Variants in PLCXD2 observed in about 807,000 individuals in gnomAD.
PLCXD2 encodes the protein PI-PLC X domain-containing protein 2.
PLCXD2 carries 21 observed loss-of-function variants against 28.6 expected under a neutral mutation model. The observed-to-expected ratio is 0.73, with a 90% confidence interval of 0.52 to 1.06. The LOEUF (loss-of-function observed/expected upper bound fraction) is 1.06. Among genes scored for constraint, PLCXD2 ranks in the 50% least tolerant of loss-of-function variants. The pLI, the probability that PLCXD2 is intolerant of heterozygous loss-of-function variation, is 0.00. For synonymous variants in PLCXD2, 140 were observed against 150.1 expected, an observed-to-expected ratio of 0.93 and a Z score of 0.49; for missense variants, 369 against 376.7, an observed-to-expected ratio of 0.98 and a Z score of 0.17.
intron 1 of PLCXD2, among the ~76,000 whole-genome samples, chr3:111,686,908 C>T (rs1940803571): frequency 6.6e-6 from 1 of 152,096 alleles, no homozygotes; most frequent in Non-Finnish European, 1.5e-5. Context: ...CCAGATAACT[C>T]AAGCTAGAAG....
chr3:111,724,699 G>A (rs990369233), intron 3 of PLCXD2: 8 of 152,170 alleles, frequency 5.3e-5, no homozygotes, highest in African/African-American at 1.9e-4. Flanking sequence ...AGTCCATCCT[G>A]CAGATTTAGT....
chr3:111,693,661 T>C (rs1402955779), intron 1 of PLCXD2, among the ~76,000 whole-genome samples: 1 of 152,244 alleles, frequency 6.6e-6, no homozygotes, highest in Non-Finnish European at 1.5e-5. Flanking sequence ...CAGATCGATA[T>C]ATCTTGCTTC....
rs1941360646 is a variant in PLCXD2 at position 111,722,526 on chromosome 3, GA to G, written c.866+8401del. 3 of 152,210 alleles carry G rather than the reference GA, an allele frequency of 2.0e-5. No individual in the cohort carries two copies. The South Asian group carries it at 6.2e-4, about 32-fold the overall frequency. The allele number at this position is 152,210 out of a possible 1,614,324, so 9.4% of individuals were successfully genotyped here. ...AGACCCTCCAGAAGAGTGTTGAAAA[GA>G]AAGGCTCTAGAAAGAAAACTAGGCA... On this transcript the variant is annotated intron_variant, in intron 3 of 4. Transcript: ENST00000477665.
At chr3:111,717,306 AC>A (rs1360855797) in intron 3 of PLCXD2, among the ~76,000 whole-genome samples, 1 of 151,790 alleles carries the variant, frequency 6.6e-6, no homozygotes, top group Admixed American at 6.6e-5. Flanking sequence ...ACTATGGACC[AC>A]CCTTGTTCCC....
intron 1 of PLCXD2, among the ~76,000 whole-genome samples, chr3:111,703,520 A>G (rs548536752): frequency 6.6e-6 from 1 of 152,330 alleles, no homozygotes; most frequent in South Asian, 2.1e-4. Context: ...GAGGGGATTC[A>G]TCTCTCCTCC....
At chr3:111,702,985 GA>G in intron 1 of PLCXD2, among the ~76,000 whole-genome samples, 1 of 152,146 alleles carries the variant, frequency 6.6e-6, no homozygotes, top group East Asian at 1.9e-4. Context: ...CCTGTTTTTC[GA>G]AAAAGAAATA....
chr3:111,697,705 A>G (rs920332063), intron 1 of PLCXD2, among the ~76,000 whole-genome samples: 1 of 152,226 alleles, frequency 6.6e-6, no homozygotes, highest in Non-Finnish European at 1.5e-5. Flanking sequence ...CTGTCATTCA[A>G]CATCTTTTTG....
intron 3 of PLCXD2, among the ~76,000 whole-genome samples, chr3:111,718,845 CT>C (rs1267756087): frequency 6.6e-6 from 1 of 152,194 alleles, no homozygotes; most frequent in Non-Finnish European, 1.5e-5. Flanking sequence ...CTTCTCTATG[CT>C]GCCTGTGGTA....
chr3:111,725,729 A>G (rs943222303), intron 3 of PLCXD2: 5 of 398,476 alleles, frequency 1.3e-5, no homozygotes, highest in African/African-American at 1.0e-4. Flanking sequence ...ACTCATTTCT[A>G]AGCCAAATAG....
intron 3 of PLCXD2, chr3:111,720,993 T>C: frequency 2.5e-6 from 1 of 405,600 alleles, no homozygotes; most frequent in Middle Eastern, 5.0e-4. Context: ...AAGAGGAAGA[T>C]GGCTTTTTTT....
intron 1 of PLCXD2, among the ~76,000 whole-genome samples, chr3:111,675,815 T>A (rs1940612482): frequency 6.6e-6 from 1 of 152,208 alleles, no homozygotes; most frequent in South Asian, 2.1e-4. Flanking sequence ...CTGAAAAATA[T>A]TTTATTTCTC....
intron 1 of PLCXD2, among the ~76,000 whole-genome samples, chr3:111,680,686 T>A (rs141597836): frequency 6.6e-6 from 1 of 152,194 alleles, no homozygotes; most frequent in Non-Finnish European, 1.5e-5. Context: ...GAATCACACA[T>A]GTCTATAAAC....
At chr3:111,691,152 T>C (rs1267425805) in intron 1 of PLCXD2, among the ~76,000 whole-genome samples, 1 of 152,258 alleles carries the variant, frequency 6.6e-6, no homozygotes, top group Non-Finnish European at 1.5e-5. Flanking sequence ...GATTTGCTTT[T>C]TGCAAATATG....
intron 2 of PLCXD2, among the ~76,000 whole-genome samples, chr3:111,713,573 A>G (rs148923232): frequency 1.3e-5 from 2 of 152,302 alleles, no homozygotes; most frequent in East Asian, 1.9e-4. Flanking sequence ...TTTCCATATC[A>G]TAGATTTTCT....
chr3:111,722,062 A>G lies in PLCXD2; in HGVS notation c.866+7934A>G, dbSNP rs138153367. 170 of 152,076 alleles carry G rather than the reference A, an allele frequency of 1.1e-3. 2 individuals carry two copies. Among genetic ancestry groups the G allele is most frequent in the African/African-American group, 3.6e-3 (151 of 41,464 alleles). The allele number at this position is 152,076 out of a possible 1,614,324, so 9.4% of individuals were successfully genotyped here. On this transcript the variant is annotated intron_variant, in intron 3 of 4. Transcript: ENST00000477665. ...TTCCAGTCCTTCTCTTGATGGTTCT[A>G]CTTTCTGCAGGTTGTTTTGAGCCTA... is the stretch of plus-strand genomic sequence containing the variant.
chr3:111,707,468 A>G (rs931783818), intron 1 of PLCXD2, among the ~76,000 whole-genome samples: 1 of 152,220 alleles, frequency 6.6e-6, no homozygotes, highest in East Asian at 1.9e-4. Context: ...ACCACAACAA[A>G]GCATTCTTCT....
intron 2 of PLCXD2, among the ~76,000 whole-genome samples, chr3:111,709,792 G>A (rs1243499824): frequency 6.6e-6 from 1 of 152,172 alleles, no homozygotes; most frequent in Non-Finnish European, 1.5e-5. Flanking sequence ...TCAGAGAGGC[G>A]ACTGGTGATC....
chr3:111,679,376 T>C (rs996584318), intron 1 of PLCXD2, among the ~76,000 whole-genome samples: 1 of 152,178 alleles, frequency 6.6e-6, no homozygotes, highest in Non-Finnish European at 1.5e-5. Context: ...CCTGTTATAG[T>C]TTCTTTGTCA....
At chr3:111,689,583 T>C (rs1182682703) in intron 1 of PLCXD2, among the ~76,000 whole-genome samples, 2 of 152,194 alleles carry the variant, frequency 1.3e-5, no homozygotes, top group Admixed American at 6.5e-5. Context: ...ATTTCCATTA[T>C]AGGACATGAT....
Sources: allele counts gnomAD v4.1 joint callset (sites outside exome capture counted in the v4.1 genomes callset), GRCh38; gene constraint gnomAD v4.1.1; transcripts MANE v1.5; gene names NCBI Gene and HGNC (gene_info 2026-07-23, HGNC 2026-07-21).